Variants in LGSN observed in about 807,000 individuals in gnomAD.
LGSN encodes the protein lengsin.
Under a neutral mutation model 19.5 loss-of-function variants are expected in LGSN, and 21 were observed. The observed-to-expected ratio is 1.07, with a 90% CI of 0.76 to 1.55. The LOEUF (loss-of-function observed/expected upper bound fraction) is 1.55. Among genes scored for constraint, LGSN ranks in the 40% most tolerant of loss-of-function variants. The pLI is 0.00. For missense variants in LGSN, 673 were observed against 608.5 expected, an observed-to-expected ratio of 1.11 and a Z score of -1.12; for synonymous variants, 257 against 215.6, an observed-to-expected ratio of 1.19 and a Z score of -1.68.
the LGSN span, among the ~76,000 whole-genome samples, chr6:63,345,096 A>G: frequency 4.6e-5 from 7 of 151,782 alleles, no homozygotes; most frequent in Admixed American, 4.6e-4. Flanking sequence ...TGGAGCTGAC[A>G]CCATTATCCC....
the LGSN span, among the ~76,000 whole-genome samples, chr6:63,466,365 T>C: frequency 6.6e-6 from 1 of 152,188 alleles, no homozygotes; most frequent in Non-Finnish European, 1.5e-5. Context: ...GCTCAAGTCA[T>C]CCTCCTGCCT....
chr6:63,473,946 T>C, the LGSN span, among the ~76,000 whole-genome samples: 3 of 149,666 alleles, frequency 2.0e-5, no homozygotes, highest in Non-Finnish European at 3.0e-5. Flanking sequence ...ACATGCTCCA[T>C]TGGCAGCCCT....
At chr6:63,312,527 G>A (rs1429378046) in intron 1 of LGSN, among the ~76,000 whole-genome samples, 1 of 152,116 alleles carries the variant, frequency 6.6e-6, no homozygotes, top group Non-Finnish European at 1.5e-5. Flanking sequence ...TATCATTAAA[G>A]TAGAGCTTTC....
rs1767205028 is a variant in LGSN, at chr6:63,279,490, T to G, written c.*531A>C. 6.6e-6 allele frequency: 1 copy of G among 152,344 alleles called. No homozygotes were observed. The highest frequency in any genetic ancestry group is 2.4e-5 in the African/African-American group (1 of 41,456). The allele number at this position is 152,344 out of a possible 1,614,324, so 9.4% of individuals were successfully genotyped here. ...AAAACTGCCTACCTGTCATTATATT[T>G]TGGCAAAAGTTTATTTAACTTGTTT... On this transcript the variant is annotated 3_prime_UTR_variant, in exon 4 of 4. Coordinates refer to ENST00000370657, the MANE Select transcript of LGSN (RefSeq NM_016571.3).
chr6:63,406,032 C>T, the LGSN span, among the ~76,000 whole-genome samples: 1 of 152,226 alleles, frequency 6.6e-6, no homozygotes, highest in African/African-American at 2.4e-5. Flanking sequence ...TAAAGCAAGT[C>T]CTGAGTGACC....
chr6:63,338,061 T>C, the LGSN span, among the ~76,000 whole-genome samples: 4 of 152,010 alleles, frequency 2.6e-5, no homozygotes, highest in African/African-American at 9.6e-5. Context: ...AATTTTTGTA[T>C]TTTTAGTAGA....
chr6:63,385,979 T>C, the LGSN span, among the ~76,000 whole-genome samples: 1 of 152,222 alleles, frequency 6.6e-6, no homozygotes, highest in African/African-American at 2.4e-5. Context: ...ATTCCATTAT[T>C]CATTATTCTA....
the LGSN span, among the ~76,000 whole-genome samples, chr6:63,479,610 G>A: frequency 3.3e-5 from 5 of 152,158 alleles, no homozygotes; most frequent in East Asian, 9.7e-4. Flanking sequence ...CATGGTGGTG[G>A]GCACCTGTAG....
At chr6:63,531,850 C>G in the LGSN span, among the ~76,000 whole-genome samples, 2 of 148,690 alleles carry the variant, frequency 1.3e-5, no homozygotes, top group African/African-American at 5.0e-5. Context: ...TTTTTTGAGA[C>G]AGAGTCTTGC....
rs1767294019 is a variant in LGSN at position 63,281,126 on chromosome 6, CAT to C, written c.423_424del (p.Cys142PhefsTer2). The C allele has an allele frequency of 7.4e-6, 12 of 1,613,678 alleles. No homozygotes were observed. Among genetic ancestry groups the C allele is most frequent in the Admixed American group, 1.7e-5 (1 of 59,966 alleles). On this transcript the variant is annotated frameshift_variant, in exon 4 of 4. Coordinates refer to ENST00000370657, the MANE Select transcript of LGSN (RefSeq NM_016571.3). LOFTEE classifies it low-confidence loss of function (END_TRUNC). ...CATTAGGACTATGTCGCTATTAAAA[CAT>C]GTGGCTCTTATGTTATTCATTTCAT...
chr6:63,335,699 T>G, the LGSN span, among the ~76,000 whole-genome samples: 1 of 152,120 alleles, frequency 6.6e-6, no homozygotes, highest in African/African-American at 2.4e-5. Context: ...AAAAGAACTC[T>G]TATACACTGT....
chr6:63,280,306 G>A lies in LGSN; in HGVS notation c.1245C>T (p.Asn415=), dbSNP rs900698323. 6.2e-7 allele frequency: 1 copy of A among 1,614,082 alleles called. No homozygotes were observed. Among genetic ancestry groups the A allele is most frequent in the African/African-American group, 1.3e-5 (1 of 74,930 alleles). The part of the protein sequence containing the change: ...IENKLGSATA[N]PYLVLAATVA... ...CAGTTGCAGCCAGCACCAAGTAAGG[G>A]TTTGCTGTTGCTGAGCCTAGTTTAT... The change falls in exon 4 of 4, where the codon AAC becomes AAT. Residue 415 remains asparagine, a synonymous_variant. Transcript: ENST00000370657.
the LGSN span, among the ~76,000 whole-genome samples, chr6:63,440,424 C>T: frequency 6.6e-6 from 1 of 152,228 alleles, no homozygotes; most frequent in South Asian, 2.1e-4. Context: ...TTCCTCTTTC[C>T]TTTTTTTCTC....
chr6:63,316,012 G>A (rs1381836088), intron 1 of LGSN, among the ~76,000 whole-genome samples: 1 of 151,948 alleles, frequency 6.6e-6, no homozygotes, highest in East Asian at 1.9e-4. Flanking sequence ...AATATAATAA[G>A]CCCAAAATGG....
chr6:63,349,145 T>C, the LGSN span, among the ~76,000 whole-genome samples: 1 of 152,058 alleles, frequency 6.6e-6, no homozygotes, highest in East Asian at 1.9e-4. Flanking sequence ...ACCTTGATTT[T>C]CAAAGAGCTT....
the LGSN span, among the ~76,000 whole-genome samples, chr6:63,326,360 C>T: frequency 6.6e-6 from 1 of 152,260 alleles, no homozygotes; most frequent in Admixed American, 6.5e-5. Context: ...CACATCCCCA[C>T]CAGACTCAGA....
the LGSN span, among the ~76,000 whole-genome samples, chr6:63,414,080 T>A: frequency 0.11 from 17,462 of 152,118 alleles, 2,006 homozygotes; most frequent in African/African-American, 0.3. Context: ...TCTCCCATGT[T>A]CTGCTTCATA....
At chr6:63,300,818 A>T (rs1297228716) in intron 1 of LGSN, among the ~76,000 whole-genome samples, 1 of 152,194 alleles carries the variant, frequency 6.6e-6, no homozygotes, top group Non-Finnish European at 1.5e-5. Context: ...AAATGTAAAT[A>T]TATTTAGATC....
chr6:63,518,293 A>G, the LGSN span, among the ~76,000 whole-genome samples: 2 of 152,246 alleles, frequency 1.3e-5, no homozygotes, highest in Admixed American at 1.3e-4. Flanking sequence ...TAATAAGCAT[A>G]ACATCAATTC....
Sources: gnomAD v4.1 joint callset for allele counts (sites outside exome capture counted in the v4.1 genomes callset) on GRCh38, gnomAD v4.1.1 for gene constraint, MANE v1.5 for transcripts, NCBI Gene and HGNC (gene_info 2026-07-23, HGNC 2026-07-21) for gene names.